The following PSMD1 variants were observed in gnomAD, a reference collection of about 807,000 sequenced individuals.
The protein encoded by PSMD1 is 26S proteasome non-ATPase regulatory subunit 1.
In PSMD1, 18 loss-of-function variants were observed where a neutral mutation model predicts 119.0. That is an observed-to-expected ratio of 0.15 (90% CI 0.10 to 0.22). The LOEUF is 0.22. Among genes scored for constraint, PSMD1 ranks in the 10% least tolerant of loss-of-function variants. The pLI, the probability that PSMD1 is intolerant of heterozygous loss-of-function variation, is 1.00. For synonymous variants in PSMD1, 374 were observed against 396.6 expected (o/e 0.94, Z 0.68); for missense variants, 702 against 1,158.5 (o/e 0.61, Z 5.72).
chr2:231,172,080 C>G (rs1240241996), intron 24 of PSMD1, among the ~76,000 whole-genome samples: 1 of 152,174 alleles, frequency 6.6e-6, no homozygotes. Context: ...CAGATTTATA[C>G]TAACCTTCCT....
At chr2:231,115,603 A>T (rs931286847) in intron 16 of PSMD1, among the ~76,000 whole-genome samples, 1 of 152,082 alleles carries the variant, frequency 6.6e-6, no homozygotes, top group African/African-American at 2.4e-5. Flanking sequence ...TGGGGGTAGG[A>T]AGGGATAGAG....
intron 16 of PSMD1, among the ~76,000 whole-genome samples, chr2:231,090,855 A>G (rs139269437): frequency 7.5e-4 from 115 of 152,372 alleles, no homozygotes; most frequent in African/African-American, 2.6e-3. Flanking sequence ...TGAAGATGTG[A>G]CTGATAAAAC....
At chr2:231,136,726 C>G (rs1221105994) in intron 16 of PSMD1, among the ~76,000 whole-genome samples, 3 of 151,946 alleles carry the variant, frequency 2.0e-5, no homozygotes, top group African/African-American at 7.3e-5. Context: ...ATTCCCATCT[C>G]TAGACCTTTG....
intron 16 of PSMD1, among the ~76,000 whole-genome samples, chr2:231,104,324 TC>T (rs1177210634): frequency 3.3e-5 from 5 of 152,062 alleles, no homozygotes; most frequent in Admixed American, 2.0e-4. Flanking sequence ...AGCAGATGTC[TC>T]CCGTGAGCTG....
At chr2:231,084,075 G>A (rs948731754) in intron 14 of PSMD1, among the ~76,000 whole-genome samples, 10 of 152,120 alleles carry the variant, frequency 6.6e-5, no homozygotes, top group African/African-American at 1.9e-4. Context: ...TGGGCCAGGC[G>A]TGGTGGCTCA....
At chr2:231,140,059 A>G (rs540606706) in intron 17 of PSMD1, among the ~76,000 whole-genome samples, 3 of 152,230 alleles carry the variant, frequency 2.0e-5, no homozygotes, top group Non-Finnish European at 4.4e-5. Context: ...CTTTGCTCCC[A>G]GTGCCTTTGC....
intron 16 of PSMD1, among the ~76,000 whole-genome samples, chr2:231,112,759 A>G (rs962482381): frequency 6.6e-6 from 1 of 152,234 alleles, no homozygotes; most frequent in African/African-American, 2.4e-5. Flanking sequence ...TTTGAGTATT[A>G]TAGATGAGTA....
intron 16 of PSMD1, among the ~76,000 whole-genome samples, chr2:231,101,119 T>A (rs895759467): frequency 1.3e-5 from 2 of 152,138 alleles, no homozygotes; most frequent in African/African-American, 4.8e-5. Context: ...TAGCACAGAT[T>A]TAATGAGAAA....
chr2:231,089,694 C>T (rs1039829491), intron 16 of PSMD1, among the ~76,000 whole-genome samples: 18 of 152,154 alleles, frequency 1.2e-4, no homozygotes, highest in African/African-American at 3.6e-4. Context: ...CAAGGAGAGC[C>T]AGTTTGAGTC....
At chr2:231,109,038 C>G in intron 16 of PSMD1, 1 of 1,614,192 alleles carries the variant, frequency 6.2e-7, no homozygotes. Context: ...GACTTTTTCC[C>G]AATTGTGGAT....
At chr2:231,087,256 C>A in intron 16 of PSMD1, 75 bp downstream of exon 16, 1 of 1,278,834 alleles carries the variant, frequency 7.8e-7, no homozygotes, top group Non-Finnish European at 1.1e-6. Flanking sequence ...CCGAAACTAC[C>A]AAACAGTTTA....
At chr2:231,068,372 C>T (rs540064303) in intron 5 of PSMD1, among the ~76,000 whole-genome samples, 19 of 152,078 alleles carry the variant, frequency 1.2e-4, no homozygotes, top group Admixed American at 3.9e-4. Context: ...TCCTTGTCTT[C>T]GTGTGTGTAA....
At chr2:231,127,982 A>G (rs1483167715) in intron 16 of PSMD1, among the ~76,000 whole-genome samples, 1 of 152,192 alleles carries the variant, frequency 6.6e-6, no homozygotes, top group Non-Finnish European at 1.5e-5. Flanking sequence ...TTTCTAAGAC[A>G]ATTGAATTTT....
chr2:231,077,007 T>A, intron 8 of PSMD1, 27 bp from the exon 9 acceptor site: 1 of 1,582,194 alleles, frequency 6.3e-7, no homozygotes. Flanking sequence ...TTATGAGTTT[T>A]CATTTTTTTT....
intron 16 of PSMD1, among the ~76,000 whole-genome samples, chr2:231,138,351 C>T (rs1015729333): frequency 3.3e-5 from 5 of 152,290 alleles, no homozygotes; most frequent in African/African-American, 1.2e-4. Flanking sequence ...CCAGGAATTA[C>T]TATAAATGAC....
intron 16 of PSMD1, among the ~76,000 whole-genome samples, chr2:231,114,822 T>A (rs1695276781): frequency 6.6e-6 from 1 of 152,160 alleles, no homozygotes; most frequent in Admixed American, 6.5e-5. Flanking sequence ...TTTAATATAT[T>A]ATGCATTATA....
intron 16 of PSMD1, among the ~76,000 whole-genome samples, chr2:231,103,172 T>C (rs12616914): frequency 0.035 from 5,404 of 152,332 alleles, 114 homozygotes; most frequent in East Asian, 0.12. Context: ...CTATCGTGGA[T>C]GGAAATGTTG....
Position 231,075,547 on chromosome 2 carries a change from A to G in PSMD1, c.918A>G (p.Ala306=), listed in dbSNP as rs1305889732. The G allele has an allele frequency of 1.1e-5, 17 of 1,609,112 alleles. No homozygotes were observed. Among genetic ancestry groups the G allele is most frequent in the Non-Finnish European group, 1.4e-5 (17 of 1,178,456 alleles). The part of the protein sequence containing the change: ...SMETEEKTSS[A]FVGKTPEASP... ...AAACAGAAGAAAAGACAAGCAGTGC[A>G]TTTGTAGGAAAGACACCAGAAGCCG... Residue 306 remains alanine (A), a synonymous_variant, in exon 8 of 25, where the codon GCA becomes GCG. Coordinates refer to ENST00000308696, the MANE Select transcript of PSMD1 (RefSeq NM_002807.4).
chr2:231,062,241 T>A lies in PSMD1; in HGVS notation c.61-7T>A. The A allele has an allele frequency of 6.2e-7, 1 of 1,607,444 alleles. No homozygotes were observed. Among genetic ancestry groups the A allele is most frequent in the African/African-American group, 1.3e-5 (1 of 74,924 alleles). On this transcript the variant is annotated splice_polypyrimidine_tract_variant and splice_region_variant and intron_variant, in intron 2 of 24. Transcript: ENST00000308696. ...TCTCAAAATAGGATTTTGGTTATCT[T>A]TTACAGGAATTTGCACTACACAAAT...
Sources: gnomAD v4.1 joint callset for allele counts (sites outside exome capture counted in the v4.1 genomes callset) on GRCh38, gnomAD v4.1.1 for gene constraint, MANE v1.5 for transcripts, NCBI Gene and HGNC (gene_info 2026-07-23, HGNC 2026-07-21) for gene names.